Variants in CFAP77 observed in about 807,000 individuals in gnomAD.
CFAP77 encodes the protein cilia and flagella associated protein 77, also known as cilia- and flagella-associated protein 77.
In CFAP77, 25 loss-of-function variants were observed where a neutral mutation model predicts 31.1. The observed-to-expected ratio is 0.80, with a 90% CI of 0.59 to 1.12. The LOEUF is 1.12. Ranked by LOEUF, CFAP77 falls within the 50% of genes most tolerant of loss-of-function variation. CFAP77 has a pLI of 0.00. For synonymous variants in CFAP77, 151 were observed against 159.9 expected (o/e 0.94, Z 0.42); for missense variants, 377 against 397.3 (o/e 0.95, Z 0.44).
At chr9:132,509,277 T>C (rs1851990052) in intron 3 of CFAP77, among the ~76,000 whole-genome samples, 1 of 152,172 alleles carries the variant, frequency 6.6e-6, no homozygotes, top group Admixed American at 6.5e-5. Flanking sequence ...CCAGGCAGCT[T>C]ACACCAGGAC....
intron 4 of CFAP77, among the ~76,000 whole-genome samples, chr9:132,538,311 CG>C (rs1275731797): frequency 6.6e-6 from 1 of 152,154 alleles, no homozygotes; most frequent in Non-Finnish European, 1.5e-5. Context: ...GCGTGGAAGT[CG>C]AGGCTTGGGG....
chr9:132,476,646 C>T (rs1318767121), intron 1 of CFAP77, among the ~76,000 whole-genome samples: 1 of 152,072 alleles, frequency 6.6e-6, no homozygotes, highest in Non-Finnish European at 1.5e-5. Context: ...AACCCAATGA[C>T]TGGTGTTCTG....
chr9:132,444,744 T>A (rs1850680684), intron 1 of CFAP77, among the ~76,000 whole-genome samples: 1 of 152,182 alleles, frequency 6.6e-6, no homozygotes, highest in Non-Finnish European at 1.5e-5. Context: ...TAAAAAAAAT[T>A]GTAGTAAAAT....
chr9:132,532,458 C>T (rs768331838), intron 3 of CFAP77, among the ~76,000 whole-genome samples: 4 of 152,206 alleles, frequency 2.6e-5, no homozygotes, highest in Non-Finnish European at 5.9e-5. Context: ...TTGCTGCAGC[C>T]AGGAGTGCAG....
intron 3 of CFAP77, among the ~76,000 whole-genome samples, chr9:132,528,569 A>C (rs1852382525): frequency 7.0e-6 from 1 of 142,762 alleles, no homozygotes; most frequent in East Asian, 2.1e-4. Flanking sequence ...GTGAACAGGC[A>C]ACCTACAACA....
chr9:132,508,739 G>A (rs1320458327), intron 3 of CFAP77, among the ~76,000 whole-genome samples: 2 of 152,132 alleles, frequency 1.3e-5, no homozygotes, highest in Admixed American at 6.5e-5. Flanking sequence ...CTGAGTGACC[G>A]CTGCGTCCAA....
chr9:132,443,742 C>T (rs1053055760), intron 1 of CFAP77, among the ~76,000 whole-genome samples: 3 of 152,114 alleles, frequency 2.0e-5, no homozygotes, highest in Non-Finnish European at 2.9e-5. Flanking sequence ...AGAAGGAGAA[C>T]GCTATGGTCT....
chr9:132,542,402 G>A (rs921099581), intron 4 of CFAP77, among the ~76,000 whole-genome samples: 2 of 152,218 alleles, frequency 1.3e-5, no homozygotes, highest in Non-Finnish European at 1.5e-5. Context: ...GCACAGGCAC[G>A]CAGGTCAGGA....
chr9:132,441,992 C>A (rs963029275), intron 1 of CFAP77, among the ~76,000 whole-genome samples: 18 of 152,116 alleles, frequency 1.2e-4, no homozygotes, highest in African/African-American at 3.6e-4. Flanking sequence ...TATCTTCTAC[C>A]CTTTGTGCAG....
chr9:132,437,296 G>C (rs1334770259), intron 1 of CFAP77, among the ~76,000 whole-genome samples: 1 of 152,084 alleles, frequency 6.6e-6, no homozygotes, highest in Admixed American at 6.6e-5. Flanking sequence ...CTTGTGCAAG[G>C]AGTGAGACCA....
At chr9:132,516,931 T>C (rs1852158111) in intron 3 of CFAP77, among the ~76,000 whole-genome samples, 1 of 152,140 alleles carries the variant, frequency 6.6e-6, no homozygotes, top group Non-Finnish European at 1.5e-5. Context: ...GCCATGGAAG[T>C]CACTTGACAG....
intron 3 of CFAP77, among the ~76,000 whole-genome samples, chr9:132,522,900 C>T (rs547113251): frequency 6.6e-6 from 1 of 152,342 alleles, no homozygotes; most frequent in South Asian, 2.1e-4. Flanking sequence ...CCCTCACCAC[C>T]GGCCACGCGG....
intron 1 of CFAP77, among the ~76,000 whole-genome samples, chr9:132,476,882 C>T (rs765182450): frequency 2.6e-5 from 4 of 152,140 alleles, no homozygotes; most frequent in African/African-American, 4.8e-5. Flanking sequence ...GCTTCCGGAG[C>T]GGTGAGATTT....
chr9:132,460,391 A>G (rs28683502), intron 1 of CFAP77, among the ~76,000 whole-genome samples: 7,699 of 152,282 alleles, frequency 0.051, 450 homozygotes, highest in African/African-American at 0.14. Flanking sequence ...GAATGGATAT[A>G]AAATATGGCC....
At chr9:132,516,533 G>A (rs533604211) in intron 3 of CFAP77, among the ~76,000 whole-genome samples, 17 of 151,948 alleles carry the variant, frequency 1.1e-4, no homozygotes, top group Admixed American at 9.2e-4. Context: ...GGAATGTTCT[G>A]TGTCTTGACT....
intron 1 of CFAP77, among the ~76,000 whole-genome samples, chr9:132,488,497 A>AG (rs1253933552): frequency 1.3e-5 from 2 of 152,210 alleles, no homozygotes; most frequent in African/African-American, 2.4e-5. Flanking sequence ...GGGAAAAAAA[A>AG]GTAGATTGGG....
intron 3 of CFAP77, among the ~76,000 whole-genome samples, chr9:132,502,067 C>G (rs1489922637): frequency 6.6e-6 from 1 of 152,188 alleles, no homozygotes; most frequent in Non-Finnish European, 1.5e-5. Context: ...CAGTAGCGGA[C>G]TTCTTGCAAT....
intron 3 of CFAP77, among the ~76,000 whole-genome samples, chr9:132,500,558 G>A (rs955523197): frequency 3.3e-5 from 5 of 152,238 alleles, no homozygotes; most frequent in South Asian, 2.1e-4. Context: ...TGCACAAATC[G>A]TGAAGGGTTC....
At chr9:132,567,999 T>C (rs1455618572) in intron 5 of CFAP77, among the ~76,000 whole-genome samples, 5 of 152,176 alleles carry the variant, frequency 3.3e-5, no homozygotes, top group African/African-American at 9.7e-5. Context: ...TTCTGGGGGT[T>C]AGTACATGGA....
Sources: allele counts gnomAD v4.1 joint callset (sites outside exome capture counted in the v4.1 genomes callset), GRCh38; gene constraint gnomAD v4.1.1; transcripts MANE v1.5; gene names NCBI Gene and HGNC (gene_info 2026-07-23, HGNC 2026-07-21).